Variants in ZNF875 observed in about 807,000 individuals in gnomAD.
The protein encoded by ZNF875 is HKR1, GLI-Kruppel zinc finger family member.
A neutral mutation model predicts 11.2 loss-of-function variants in ZNF875; 14 were observed. The ratio of observed to expected loss-of-function variants is 1.26; its 90% CI spans 0.83 to 1.96. ZNF875 has a LOEUF of 1.96. Ranked by LOEUF, ZNF875 falls within the 30% of genes most tolerant of loss-of-function variation. The probability of loss-of-function intolerance (pLI) is 0.00; values close to 1 mark genes in which losing one functional copy is unlikely to be tolerated. For synonymous variants in ZNF875, 301 were observed against 281.1 expected (o/e 1.07, Z -0.71); for missense variants, 752 against 760.4 (o/e 0.99, Z 0.13).
chr19:37,312,852 C>T (rs531670834), exon 1 of ZNF875: 1 of 151,924 alleles, frequency 6.6e-6, no homozygotes, highest in East Asian at 1.9e-4. Flanking sequence ...CCGCCTCCGC[C>T]AGCCTCTCAC....
chr19:37,328,867 C>G lies in ZNF875; in HGVS notation c.-603+4602C>G, dbSNP rs1192892140. 4 of 152,164 alleles carry G rather than the reference C, an allele frequency of 2.6e-5. No individual in the cohort carries two copies. In the East Asian group the frequency reaches 7.7e-4, roughly 29 times the overall value. 9.4% of individuals were successfully genotyped at this position (152,164 alleles called of 1,614,324 possible). A position where few individuals can be genotyped will look rare whatever the true frequency, so the allele number is the denominator to read the frequency against. On this transcript the variant is annotated intron_variant, in intron 4 of 5. Transcript: ENST00000544914. ...AGAGAAGCCCGTACAGGGTTCAGGT[C>G]CATTCTGTTGCTTCTTTGCTCCTTA...
At chr19:37,344,882 GCAAATCA>G (rs1408042198) in intron 2 of ZNF875, 2 of 752,584 alleles carry the variant, frequency 2.7e-6, no homozygotes, top group Non-Finnish European at 2.4e-6. Flanking sequence ...GGTTGTAAAA[GCAAATCA>G]CAACAGGGAC....
At position 37,362,120 on chromosome 19, in the gene ZNF875, G is replaced by A; in HGVS notation, c.268G>A (p.Glu90Lys). The change falls in exon 5 of 5, where the codon GAA (glutamate) becomes AAA (lysine). Residue 90 changes from glutamate (E) to lysine (K), a missense_variant. Transcript: ENST00000392153. ...TCTTTCTTCAGCAGAATCGAAGCCA[G>A]AAATTCAACTTAGTCCCTCCTGCCC... The part of the protein sequence containing the change: ...PLDLCPESKP[E>K]IQLSPSCPLI... 6.2e-7 allele frequency: 1 copy of A among 1,610,578 alleles called. No individual in the cohort carries two copies. The highest frequency in any genetic ancestry group is 1.1e-5 in the South Asian group (1 of 90,702).
At chr19:37,358,896 A>T (rs987712753) in intron 4 of ZNF875, among the ~76,000 whole-genome samples, 3 of 146,014 alleles carry the variant, frequency 2.1e-5, no homozygotes, top group African/African-American at 8.3e-5. Context: ...TATACAGTTC[A>T]ATATATATAT....
chr19:37,363,398 AATG>A lies in ZNF875; in HGVS notation c.1549_1551del (p.Asp517del). 1 of 1,613,968 alleles carries A rather than the reference AATG, an allele frequency of 6.2e-7. No individual in the cohort carries two copies. Among genetic ancestry groups the A allele is most frequent in the South Asian group, 1.1e-5 (1 of 91,056 alleles). On this transcript the variant is annotated inframe_deletion, in exon 5 of 5. Coordinates refer to ENST00000392153, the MANE Select transcript of ZNF875 (RefSeq NM_001353803.2). ...ATGTGCTGAGTGTGGACGAGGCTTT[AATG>A]ATAAGTCCACCCTCATTTCACACCA...
rs2034101273 is a variant in ZNF875 at position 37,335,218 on chromosome 19, C to T, written c.-7C>T. ...TCTCCAGGAAGAGCACTCAGGAGAC[C>T]AGGAAAATGGCCACAGGGCTCCTGA... On this transcript the variant is annotated 5_prime_UTR_variant, in exon 2 of 5. Transcript: ENST00000392153. 1 of 702,370 alleles carries T rather than the reference C, an allele frequency of 1.4e-6. No homozygotes were observed. Among genetic ancestry groups the T allele is most frequent in the Non-Finnish European group, 2.6e-6 (1 of 384,612 alleles). The allele number at this position is 702,370 out of a possible 1,614,324, so 43.5% of individuals were successfully genotyped here.
At chr19:37,313,632 A>T (rs181844330), upstream of ZNF875, among the ~76,000 whole-genome samples, 77 of 152,230 alleles carry the variant, frequency 5.1e-4, no homozygotes, top group Non-Finnish European at 9.0e-4. Context: ...CAGGGACCTC[A>T]GATTTCCCAT....
chr19:37,328,924 C>T (rs1193562047), intron 4 of ZNF875: 3 of 152,178 alleles, frequency 2.0e-5, no homozygotes, highest in Admixed American at 1.3e-4. Flanking sequence ...TAAATTAGAT[C>T]ATAGTGTGGT....
chr19:37,322,552 C>T (rs2031682048), intron 2 of ZNF875, among the ~76,000 whole-genome samples: 1 of 152,166 alleles, frequency 6.6e-6, no homozygotes, highest in South Asian at 2.1e-4. Flanking sequence ...GGGACTCTGG[C>T]TTTATTTATT....
chr19:37,334,648 C>T (rs963184480), upstream of ZNF875: 4 of 455,754 alleles, frequency 8.8e-6, no homozygotes, highest in African/African-American at 8.0e-5. Flanking sequence ...ACGTCAGAAA[C>T]ACTTCCGGTC....
At chr19:37,330,596 G>T (rs77864628), upstream of ZNF875, among the ~76,000 whole-genome samples, 1 of 152,100 alleles carries the variant, frequency 6.6e-6, no homozygotes, top group Non-Finnish European at 1.5e-5. Context: ...CTAACCTGAA[G>T]GGTAACTGCT....
chr19:37,344,246 AG>A (rs1333740879), intron 2 of ZNF875, among the ~76,000 whole-genome samples: 8 of 152,228 alleles, frequency 5.3e-5, no homozygotes, highest in African/African-American at 1.7e-4. Flanking sequence ...TTGTGCTTTT[AG>A]CCACTGAGTA....
intron 2 of ZNF875, among the ~76,000 whole-genome samples, chr19:37,345,964 A>G (rs1319636181): frequency 6.6e-6 from 1 of 152,224 alleles, no homozygotes; most frequent in Non-Finnish European, 1.5e-5. Context: ...TTGTCTAATA[A>G]TAATAAATCA....
chr19:37,332,927 A>AACT (rs1352461083), upstream of ZNF875, among the ~76,000 whole-genome samples: 2 of 152,164 alleles, frequency 1.3e-5, no homozygotes. Flanking sequence ...CTCAGGTGAG[A>AACT]GTGTATCATT....
chr19:37,343,389 A>G (rs1268999178), intron 2 of ZNF875, among the ~76,000 whole-genome samples: 1 of 151,154 alleles, frequency 6.6e-6, no homozygotes, highest in Non-Finnish European at 1.5e-5. Flanking sequence ...AAAAAAACCA[A>G]ACAAACTTAG....
At chr19:37,353,822 T>G (rs781047132) in intron 4 of ZNF875, among the ~76,000 whole-genome samples, 9 of 152,204 alleles carry the variant, frequency 5.9e-5, no homozygotes, top group Non-Finnish European at 1.2e-4. Context: ...ATCTTTGGCC[T>G]TCAGCAGTTT....
At chr19:37,315,616 A>C (rs1214535414), upstream of ZNF875, 1 of 152,150 alleles carries the variant, frequency 6.6e-6, no homozygotes. Context: ...GAGTTTGCTG[A>C]GTCAGTCCGT....
chr19:37,322,451 C>T (rs187024646), intron 2 of ZNF875, among the ~76,000 whole-genome samples: 53 of 152,268 alleles, frequency 3.5e-4, no homozygotes, highest in Middle Eastern at 6.8e-3. Flanking sequence ...AAATACCCAC[C>T]AGAGAGAATA....
At chr19:37,345,632 C>T (rs963632647) in intron 2 of ZNF875, among the ~76,000 whole-genome samples, 2 of 152,136 alleles carry the variant, frequency 1.3e-5, no homozygotes, top group Non-Finnish European at 2.9e-5. Flanking sequence ...CAACTGTGGT[C>T]CTACAGCAGT....
Sources: allele counts gnomAD v4.1 joint callset (sites outside exome capture counted in the v4.1 genomes callset), GRCh38; gene constraint gnomAD v4.1.1; transcripts MANE v1.5; gene names NCBI Gene and HGNC (gene_info 2026-07-23, HGNC 2026-07-21).